The following CS variants were observed in gnomAD, a reference collection of about 807,000 sequenced individuals.
The protein encoded by CS is citrate synthase, mitochondrial.
A neutral mutation model predicts 61.4 loss-of-function variants in CS; 13 were observed. The observed-to-expected ratio is 0.21, with a 90% CI of 0.14 to 0.34. CS has a LOEUF of 0.34. Ranked by LOEUF, CS falls within the 10% of genes least tolerant of loss-of-function variation. The pLI, the probability that CS is intolerant of heterozygous loss-of-function variation, is 1.00. For synonymous variants in CS, 159 were observed against 215.2 expected (o/e 0.74, Z 2.29); for missense variants, 278 against 573.4 (o/e 0.48, Z 5.26).
intron 1 of CS, among the ~76,000 whole-genome samples, chr12:56,295,302 C>A (rs910317097): frequency 2.4e-4 from 36 of 151,422 alleles, no homozygotes; most frequent in Non-Finnish European, 4.6e-4. Context: ...GCGGGTGGAT[C>A]ACGAGGTCAG....
chr12:56,279,157 G>A (rs1339693495), intron 6 of CS, among the ~76,000 whole-genome samples: 1 of 152,160 alleles, frequency 6.6e-6, no homozygotes, highest in African/African-American at 2.4e-5. Context: ...TTAAACAGCT[G>A]GTTGCATCAG....
intron 1 of CS, chr12:56,298,764 G>C (rs1487006314): frequency 4.1e-6 from 3 of 739,854 alleles, no homozygotes; most frequent in Admixed American, 1.3e-4. Flanking sequence ...AGCAGGCCAG[G>C]TGCAGTGGTT....
Position 56,299,995 on chromosome 12 carries a change from C to A in CS, c.42+165G>T, listed in dbSNP as rs918390318. ...CCCAGGAGCCAGAAGGGAAGCGCGG[C>A]ACATGGTCCTGTAGCTTCACGCAGG... On this transcript the variant is annotated intron_variant, in intron 1 of 10. Coordinates refer to ENST00000351328, the MANE Select transcript of CS (RefSeq NM_004077.3). The A allele has an allele frequency of 9.9e-5, 61 of 617,954 alleles. No individual in the cohort carries two copies. The South Asian group carries it at 1.3e-3, about 13-fold the overall frequency. 38.3% of individuals were successfully genotyped at this position (617,954 alleles called of 1,614,324 possible).
rs183676019 is a variant in CS, at chr12:56,286,792, C to T, written c.43-147G>A. 4 of 712,696 alleles carry T rather than the reference C, an allele frequency of 5.6e-6. No individual in the cohort carries two copies. The East Asian group carries it at 8.2e-5, about 15-fold the overall frequency. 44.1% of individuals were successfully genotyped at this position (712,696 alleles called of 1,614,324 possible). ...TAAGAAAGCTGTAAAAGTCCCCAAA[C>T]AGTTTGGAAGGAGTTACCACTATGG... On this transcript the variant is annotated intron_variant, in intron 1 of 10. Transcript: ENST00000351328.
intron 9 of CS, 79 bp from the exon 10 acceptor site, chr12:56,273,875 C>T: frequency 7.7e-7 from 1 of 1,293,874 alleles, no homozygotes; most frequent in Non-Finnish European, 1.1e-6. Flanking sequence ...ACTCTGTCAC[C>T]CAGGCTGGAG....
At chr12:56,286,711 A>C in intron 1 of CS, 66 bp from the exon 2 acceptor site, 1 of 1,379,850 alleles carries the variant, frequency 7.2e-7, no homozygotes, top group African/African-American at 1.4e-5. Flanking sequence ...AACAAGAAGG[A>C]ATTACAGTGA....
At chr12:56,281,330 A>C (rs1466330452) in intron 6 of CS, among the ~76,000 whole-genome samples, 1 of 152,222 alleles carries the variant, frequency 6.6e-6, no homozygotes, top group Admixed American at 6.5e-5. Context: ...GATAAGAAAC[A>C]ATCTTTCCAT....
chr12:56,292,546 C>G (rs902596535), intron 1 of CS, among the ~76,000 whole-genome samples: 1 of 151,690 alleles, frequency 6.6e-6, no homozygotes, highest in Non-Finnish European at 1.5e-5. Context: ...GGTGTACTCT[C>G]GTGGCAAAAC....
chr12:56,273,287 A>C (rs1232692241), intron 10 of CS, 33 bp from the exon 11 acceptor site: 2 of 1,603,122 alleles, frequency 1.2e-6, no homozygotes, highest in Non-Finnish European at 1.7e-6. Flanking sequence ...ATTTCATTTA[A>C]GGCAGAGGCA....
At chr12:56,276,220 G>GA (rs747228536) in intron 6 of CS, 25 bp from the exon 7 acceptor site, 880 of 1,570,870 alleles carry the variant, frequency 5.6e-4, no homozygotes, top group South Asian at 1.0e-3. Flanking sequence ...GCAAGATGGA[G>GA]AAAAAAAAAG....
At chr12:56,275,589 A>AAAT (rs35576342) in intron 7 of CS, 69 of 182,706 alleles carry the variant, frequency 3.8e-4, no homozygotes, top group Middle Eastern at 2.3e-3. Flanking sequence ...AAAAAAAAAA[A>AAAT]GCATCCTAAT....
At chr12:56,288,406 C>T (rs1013558368) in intron 1 of CS, among the ~76,000 whole-genome samples, 8 of 140,678 alleles carry the variant, frequency 5.7e-5, no homozygotes, top group African/African-American at 2.1e-4. Context: ...GGCTGAAGTG[C>T]AGTGGCGTGA....
At chr12:56,274,110 C>T (rs112931321) in intron 9 of CS, 18,435 of 345,544 alleles carry the variant, frequency 0.053, 600 homozygotes, top group Non-Finnish European at 0.071. Context: ...GGTTGGGAGT[C>T]CTAGACTAGC....
intron 1 of CS, among the ~76,000 whole-genome samples, chr12:56,297,189 G>A (rs1873332535): frequency 1.3e-5 from 2 of 152,158 alleles, no homozygotes; most frequent in Admixed American, 1.3e-4. Flanking sequence ...GGTTGGTTAA[G>A]CATGTTGACT....
intron 1 of CS, chr12:56,298,556 T>C: frequency 1.1e-6 from 1 of 886,338 alleles, no homozygotes; most frequent in Non-Finnish European, 1.4e-6. Flanking sequence ...GTGTCCCCCA[T>C]TCTGCCAAAA....
At chr12:56,278,051 A>G (rs925076474) in intron 6 of CS, among the ~76,000 whole-genome samples, 3 of 152,200 alleles carry the variant, frequency 2.0e-5, no homozygotes, top group Non-Finnish European at 2.9e-5. Flanking sequence ...ATAAATGAGG[A>G]AATTGGGGCT....
intron 1 of CS, among the ~76,000 whole-genome samples, chr12:56,290,862 G>A (rs1873099905): frequency 6.6e-6 from 1 of 151,600 alleles, no homozygotes; most frequent in Non-Finnish European, 1.5e-5. Context: ...GTTCCAATAA[G>A]GACGTATATG....
Position 56,282,591 on chromosome 12 carries a change from T to C in CS, c.417A>G (p.Lys139=). Residue 139 remains lysine, a synonymous_variant, in exon 6 of 11, where the codon AAA becomes AAG. Coordinates refer to ENST00000351328, the MANE Select transcript of CS (RefSeq NM_004077.3). The stretch of plus-strand genomic sequence containing the variant: ...GCAGAGCTGCCCTCTTTGCCCACTC[T>C]TTTGAGAGCCAAGATACCTGTGGAA... ...PTEEQVSWLS[K]EWAKRAALPS... is the part of the protein sequence containing the mutation. 1 of 1,606,476 alleles carries C rather than the reference T, an allele frequency of 6.2e-7. No individual in the cohort carries two copies. Among genetic ancestry groups the C allele is most frequent in the South Asian group, 1.1e-5 (1 of 89,918 alleles).
intron 1 of CS, chr12:56,291,349 CTTTCTT>C: frequency 1.1e-6 from 1 of 875,038 alleles, no homozygotes; most frequent in Non-Finnish European, 1.4e-6. Context: ...TTCTTTCTTT[CTTTCTT>C]TTTTTTTTTT....
Sources: allele counts gnomAD v4.1 joint callset (sites outside exome capture counted in the v4.1 genomes callset), GRCh38; gene constraint gnomAD v4.1.1; transcripts MANE v1.5; gene names NCBI Gene and HGNC (gene_info 2026-07-23, HGNC 2026-07-21).